Variants in WWP2 observed in about 807,000 individuals in gnomAD.
WWP2 encodes NEDD4-like E3 ubiquitin-protein ligase WWP2.
A neutral mutation model predicts 121.0 loss-of-function variants in WWP2; 57 were observed. That is an observed-to-expected ratio of 0.47 (90% CI 0.38 to 0.59). WWP2 has a LOEUF of 0.59. WWP2 is among the 20% of genes least tolerant of loss of function. The pLI is 0.00. For synonymous variants in WWP2, 449 were observed against 441.3 expected (o/e 1.02, Z -0.22); for missense variants, 962 against 1,158.9 (o/e 0.83, Z 2.47).
At chr16:69,838,834 A>G in intron 4 of WWP2, 1 of 985,516 alleles carries the variant, frequency 1.0e-6, no homozygotes, top group Non-Finnish European at 1.2e-6. Context: ...GATCCATGGC[A>G]GGGAAGAGAG....
intron 1 of WWP2, among the ~76,000 whole-genome samples, chr16:69,763,840 G>C (rs1050174453): frequency 6.6e-6 from 1 of 152,196 alleles, no homozygotes; most frequent in Non-Finnish European, 1.5e-5. Flanking sequence ...TCACACCGGC[G>C]TAAGTGGTGA....
intron 7 of WWP2, among the ~76,000 whole-genome samples, chr16:69,880,289 G>C (rs1178462830): frequency 6.6e-6 from 1 of 151,344 alleles, no homozygotes. Context: ...TTTTAGTGTT[G>C]ATCACTTTTA....
chr16:69,827,112 C>G (rs2056714436), intron 4 of WWP2, among the ~76,000 whole-genome samples: 1 of 151,082 alleles, frequency 6.6e-6, no homozygotes, highest in Admixed American at 6.6e-5. Flanking sequence ...CTTGTTGACA[C>G]TCCTGCATAC....
At chr16:69,845,911 A>T (rs3827942) in intron 6 of WWP2, among the ~76,000 whole-genome samples, 1 of 151,098 alleles carries the variant, frequency 6.6e-6, no homozygotes, top group Non-Finnish European at 1.5e-5. Flanking sequence ...TTAGCCAGGC[A>T]TGGTGGTGTG....
chr16:69,788,222 G>A (rs1036508746), intron 2 of WWP2: 3 of 152,572 alleles, frequency 2.0e-5, no homozygotes, highest in African/African-American at 7.2e-5. Context: ...CAGAGGCTGA[G>A]ACAGGAGGAT....
intron 6 of WWP2, 55 bp downstream of exon 6, chr16:69,842,175 A>G (rs1465920236): frequency 1.9e-5 from 29 of 1,542,474 alleles, no homozygotes; most frequent in Non-Finnish European, 3.6e-6. Context: ...GAGCTATTGA[A>G]AACATGTTGG....
At chr16:69,822,065 C>A (rs564660422) in intron 4 of WWP2, among the ~76,000 whole-genome samples, 1 of 152,186 alleles carries the variant, frequency 6.6e-6, no homozygotes, top group African/African-American at 2.4e-5. Context: ...CAGGGTCTCC[C>A]TTTGTTGCCT....
intron 4 of WWP2, among the ~76,000 whole-genome samples, chr16:69,839,453 T>C (rs2035373500): frequency 6.6e-6 from 1 of 152,188 alleles, no homozygotes; most frequent in African/African-American, 2.4e-5. Flanking sequence ...TCCAGTCAGC[T>C]TGTTCTGTTT....
intron 1 of WWP2, among the ~76,000 whole-genome samples, chr16:69,783,755 G>GAAGCCA (rs2055715684): frequency 7.2e-6 from 1 of 139,476 alleles, no homozygotes; most frequent in South Asian, 2.3e-4. Flanking sequence ...AGACTAGTCT[G>GAAGCCA]GGCAACGTAG....
intron 6 of WWP2, chr16:69,871,601 C>T (rs1012533707): frequency 1.3e-5 from 8 of 599,940 alleles, no homozygotes; most frequent in African/African-American, 3.8e-5. Flanking sequence ...ACAAAGTTAC[C>T]TTCTGAGCTT....
intron 1 of WWP2, among the ~76,000 whole-genome samples, chr16:69,772,308 C>A (rs1017406514): frequency 2.6e-5 from 4 of 152,104 alleles, no homozygotes; most frequent in Non-Finnish European, 5.9e-5. Context: ...GGACTCTAAT[C>A]ATTCCCAAGA....
At chr16:69,890,169 G>T (rs535245511) in intron 8 of WWP2, among the ~76,000 whole-genome samples, 13 of 149,118 alleles carry the variant, frequency 8.7e-5, no homozygotes, top group Non-Finnish European at 1.8e-4. Context: ...ATGTTGCCCA[G>T]GCTGGCTTAA....
chr16:69,823,997 C>T (rs1028080750), intron 4 of WWP2, among the ~76,000 whole-genome samples: 1 of 152,180 alleles, frequency 6.6e-6, no homozygotes, highest in African/African-American at 2.4e-5. Flanking sequence ...GGAATGGTGG[C>T]CTTGACCTGG....
intron 2 of WWP2, among the ~76,000 whole-genome samples, chr16:69,790,012 GCAGA>G (rs1257311888): frequency 2.0e-5 from 3 of 152,192 alleles, no homozygotes; most frequent in Non-Finnish European, 2.9e-5. Flanking sequence ...AGAGGCTGAG[GCAGA>G]CAGATTCCCT....
intron 1 of WWP2, among the ~76,000 whole-genome samples, chr16:69,784,091 CTTTTTTTTTTTT>C (rs61650147): frequency 4.9e-5 from 3 of 60,864 alleles, no homozygotes; most frequent in East Asian, 4.7e-4. Context: ...TTCTTTCTTT[CTTTTTTTTTTTT>C]TTTTTTTTTT....
chr16:69,814,610 A>G (rs923007533), intron 4 of WWP2, among the ~76,000 whole-genome samples: 2 of 152,180 alleles, frequency 1.3e-5, no homozygotes, highest in African/African-American at 4.8e-5. Context: ...TCGTGTGTCT[A>G]CCAGATTCAA....
intron 8 of WWP2, among the ~76,000 whole-genome samples, chr16:69,890,633 G>C (rs938176501): frequency 6.6e-6 from 1 of 152,124 alleles, no homozygotes; most frequent in Non-Finnish European, 1.5e-5. Flanking sequence ...TCCGCTGAGC[G>C]AATGCCTGGA....
At chr16:69,810,785 C>G (rs550581858) in intron 4 of WWP2, among the ~76,000 whole-genome samples, 1 of 148,130 alleles carries the variant, frequency 6.8e-6, no homozygotes, top group Non-Finnish European at 1.5e-5. Context: ...GACGGAGTCT[C>G]GCTCTGTTGC....
At chr16:69,814,476 A>C (rs2056452270) in intron 4 of WWP2, among the ~76,000 whole-genome samples, 1 of 152,110 alleles carries the variant, frequency 6.6e-6, no homozygotes, top group Non-Finnish European at 1.5e-5. Flanking sequence ...ATTCCTTCAC[A>C]TCTGTAATGC....
Sources: gnomAD v4.1 joint callset for allele counts (sites outside exome capture counted in the v4.1 genomes callset) on GRCh38, gnomAD v4.1.1 for gene constraint, MANE v1.5 for transcripts, NCBI Gene and HGNC (gene_info 2026-07-23, HGNC 2026-07-21) for gene names.